DGKB: variants seen among roughly 807,000 people sequenced by gnomAD.
The protein encoded by DGKB is 90 kDa diacylglycerol kinase.
A neutral mutation model predicts 114.3 loss-of-function variants in DGKB; 67 were observed. The ratio of observed to expected loss-of-function variants is 0.59; its 90% CI spans 0.48 to 0.72. DGKB has a LOEUF of 0.72. DGKB is among the 30% of genes least tolerant of loss of function. The pLI is 0.00. For missense variants in DGKB, 907 were observed against 975.2 expected, an observed-to-expected ratio of 0.93 and a Z score of 0.93; for synonymous variants, 398 against 323.1, an observed-to-expected ratio of 1.23 and a Z score of -2.49.
chr7:14,696,388 G>C (rs903943412), intron 8 of DGKB, among the ~76,000 whole-genome samples: 5 of 151,628 alleles, frequency 3.3e-5, no homozygotes, highest in East Asian at 3.9e-4. Context: ...CCAGCTACTC[G>C]GGAGGCTGAG....
At chr7:14,524,168 TAA>T (rs1790250002) in intron 20 of DGKB, among the ~76,000 whole-genome samples, 1 of 152,166 alleles carries the variant, frequency 6.6e-6, no homozygotes, top group South Asian at 2.1e-4. Context: ...ATTCAGAATA[TAA>T]GACATATTTC....
intron 23 of DGKB, among the ~76,000 whole-genome samples, chr7:14,333,329 C>T (rs1396086841): frequency 6.6e-6 from 1 of 151,702 alleles, no homozygotes; most frequent in African/African-American, 2.4e-5. Flanking sequence ...GACATGGTGG[C>T]GGGTGCCTGC....
chr7:14,452,032 G>A (rs1462140943), intron 21 of DGKB, among the ~76,000 whole-genome samples: 2 of 152,026 alleles, frequency 1.3e-5, no homozygotes, highest in Non-Finnish European at 2.9e-5. Context: ...CATTCAACAA[G>A]TTTGTTTTGA....
chr7:14,923,457 T>C (rs1456825285), intron 1 of DGKB, among the ~76,000 whole-genome samples: 1 of 152,208 alleles, frequency 6.6e-6, no homozygotes, highest in Non-Finnish European at 1.5e-5. Context: ...ACTTTTCCAC[T>C]CAAAGCTCTG....
chr7:14,549,169 A>G (rs1276041224), intron 20 of DGKB, among the ~76,000 whole-genome samples: 1 of 152,164 alleles, frequency 6.6e-6, no homozygotes, highest in Non-Finnish European at 1.5e-5. Context: ...TGCCCAAGGA[A>G]GTAAGAAAAA....
chr7:14,501,199 T>C (rs1786115358), intron 20 of DGKB, among the ~76,000 whole-genome samples: 1 of 151,858 alleles, frequency 6.6e-6, no homozygotes. Context: ...ATGATTTTTG[T>C]TAAAACCTTA....
At position 14,695,494 on chromosome 7, in the gene DGKB, C is replaced by CTTTTTTTTTTTTTTTTTT. The variant is rs1173622205; in HGVS notation, c.592-1318_592-1301dup. Among the ~76,000 whole-genome samples the CTTTTTTTTTTTTTTTTTT allele has an allele frequency of 4.1e-4, 31 of 75,166 alleles. 4 individuals carry two copies. The highest frequency in any genetic ancestry group is 6.4e-4 in the South Asian group (1 of 1,552). The allele number at this position is 75,166 out of a possible 152,430, so 49.3% of individuals were successfully genotyped here. ...AATGTTCATTTCTCTCTCTCTCTCT[C>CTTTTTTTTTTTTTTTTTT]TTTTTTTTTTTTTTTTTTTTTTTGA... is the stretch of plus-strand genomic sequence containing the variant. On this transcript the variant is annotated intron_variant, in intron 8 of 25. Transcript: ENST00000402815.
intron 1 of DGKB, among the ~76,000 whole-genome samples, chr7:14,900,726 T>C (rs917659395): frequency 1.1e-4 from 17 of 152,172 alleles, no homozygotes; most frequent in African/African-American, 4.1e-4. Context: ...AGTCATAACT[T>C]GAGCTTTGCT....
intron 12 of DGKB, among the ~76,000 whole-genome samples, chr7:14,680,283 T>C (rs1334940118): frequency 6.6e-6 from 1 of 152,024 alleles, no homozygotes; most frequent in Non-Finnish European, 1.5e-5. Flanking sequence ...ATGTTGTGCT[T>C]TGCCATAATG....
At chr7:14,304,374 G>A (rs935432169) in intron 23 of DGKB, among the ~76,000 whole-genome samples, 3 of 151,832 alleles carry the variant, frequency 2.0e-5, no homozygotes, top group Non-Finnish European at 4.4e-5. Flanking sequence ...GCACCATTAA[G>A]AGCATTTTGT....
At chr7:14,598,720 T>A (rs1236447569) in intron 17 of DGKB, among the ~76,000 whole-genome samples, 1 of 152,160 alleles carries the variant, frequency 6.6e-6, no homozygotes, top group Non-Finnish European at 1.5e-5. Flanking sequence ...AAAATAAAAA[T>A]CTATTATAAA....
At chr7:14,312,460 G>A (rs111841841) in intron 23 of DGKB, among the ~76,000 whole-genome samples, 9 of 152,170 alleles carry the variant, frequency 5.9e-5, no homozygotes, top group Admixed American at 1.3e-4. Flanking sequence ...TGCCTTGTTC[G>A]TTGCTATGAA....
intron 20 of DGKB, among the ~76,000 whole-genome samples, chr7:14,482,356 T>A (rs1003156051): frequency 1.3e-5 from 2 of 152,080 alleles, no homozygotes; most frequent in Non-Finnish European, 2.9e-5. Flanking sequence ...AGATGAAGTA[T>A]ATGAGGAAAT....
At position 14,304,087 on chromosome 7, in the gene DGKB, A is replaced by ACACACTCTCTCTCTCT. The variant is rs140836395; in HGVS notation, c.2122+34427_2122+34428insAGAGAGAGAGAGTGTG. On this transcript the variant is annotated intron_variant, in intron 23 of 25. Transcript: ENST00000402815. ...CACACACACACACACACACACACAC[A>ACACACTCTCTCTCTCT]CTCTCTCTCTCTCACCCCTACCTCA... Among the ~76,000 whole-genome samples, 6 of 110,070 alleles carry ACACACTCTCTCTCTCT rather than the reference A, an allele frequency of 5.5e-5. No individual in the cohort carries two copies. In the East Asian group the frequency reaches 1.7e-3, roughly 31 times the overall value. The allele number at this position is 110,070 out of a possible 152,430, so 72.2% of individuals were successfully genotyped here.
At chr7:14,258,013 CCAAT>C (rs1345661942) in intron 23 of DGKB, among the ~76,000 whole-genome samples, 1 of 152,216 alleles carries the variant, frequency 6.6e-6, no homozygotes, top group Non-Finnish European at 1.5e-5. Context: ...CAGGCGTGAG[CCAAT>C]CAATGTGTCT....
intron 1 of DGKB, among the ~76,000 whole-genome samples, chr7:14,865,934 G>A (rs1851649552): frequency 6.6e-6 from 1 of 152,058 alleles, no homozygotes; most frequent in African/African-American, 2.4e-5. Context: ...TAACTTTCAT[G>A]AGTTAAGGTG....
In DGKB at chr7:14,364,036, C is replaced by T. The variant is rs1398878410; in HGVS notation, c.1836-18645G>A. Among the ~76,000 whole-genome samples, 3 of 151,860 alleles carry T rather than the reference C, an allele frequency of 2.0e-5. No individual in the cohort carries two copies. The East Asian group carries it at 5.8e-4, about 29-fold the overall frequency. ...CAAGTTTCTATAGTACAGGTCAGCT[C>T]GGTACTGTGTGGCCACCGACTTTAT... On this transcript the variant is annotated intron_variant, in intron 21 of 25. Coordinates refer to ENST00000402815, the MANE Select transcript of DGKB (RefSeq NM_001350709.2).
At chr7:14,311,867 G>A (rs547787466) in intron 23 of DGKB, among the ~76,000 whole-genome samples, 13 of 152,220 alleles carry the variant, frequency 8.5e-5, no homozygotes, top group East Asian at 5.8e-4. Flanking sequence ...TAAAGAAGGC[G>A]GGGGAGGTGG....
At chr7:14,458,797 T>A (rs976531837) in intron 21 of DGKB, among the ~76,000 whole-genome samples, 2 of 152,168 alleles carry the variant, frequency 1.3e-5, no homozygotes, top group African/African-American at 4.8e-5. Context: ...GACAACGAGC[T>A]AGCTGCAGGA....
Sources: allele counts gnomAD v4.1 joint callset (sites outside exome capture counted in the v4.1 genomes callset), GRCh38; gene constraint gnomAD v4.1.1; transcripts MANE v1.5; gene names NCBI Gene and HGNC (gene_info 2026-07-23, HGNC 2026-07-21).